Variants in ERC2 observed in about 807,000 individuals in gnomAD.
The protein encoded by ERC2 is ELKS/RAB6-interacting/CAST family member 2.
In ERC2, 42 loss-of-function variants were observed where a neutral mutation model predicts 114.8. That is an observed-to-expected ratio of 0.37 (90% CI 0.29 to 0.47). The LOEUF (loss-of-function observed/expected upper bound fraction) is 0.47, where lower values mean the gene tolerates loss of function less well. ERC2 is among the 20% of genes least tolerant of loss of function. The probability of loss-of-function intolerance (pLI) is 0.99; values close to 1 mark genes in which losing one functional copy is unlikely to be tolerated. For missense variants in ERC2, 939 were observed against 1,150.7 expected, an observed-to-expected ratio of 0.82 and a Z score of 2.66; for synonymous variants, 454 against 425.5, an observed-to-expected ratio of 1.07 and a Z score of -0.82.
chr3:55,832,764 CTT>C lies in ERC2; in HGVS notation c.2564+55623_2564+55624del, dbSNP rs1279139221. Among the ~76,000 whole-genome samples, 6 of 152,342 alleles carry C rather than the reference CTT, an allele frequency of 3.9e-5. No homozygotes were observed. The South Asian group carries it at 1.2e-3, about 32-fold the overall frequency. The stretch of plus-strand genomic sequence containing the variant: ...CGGAACAAAGCTGGACGGAGAATAA[CTT>C]TGACGAGTTGAGAGAAGAAGGCCTC... On this transcript the variant is annotated intron_variant, in intron 14 of 17. Transcript: ENST00000288221.
chr3:55,960,516 G>A (rs2068286973), intron 12 of ERC2, among the ~76,000 whole-genome samples: 1 of 152,118 alleles, frequency 6.6e-6, no homozygotes, highest in Non-Finnish European at 1.5e-5. Flanking sequence ...TCCTATCACT[G>A]AGAATCTCTG....
rs2057715675 is a variant in ERC2 at position 56,333,395 on chromosome 3, G to A, written c.658-36960C>T. Among the ~76,000 whole-genome samples, 3 of 152,218 alleles carry A rather than the reference G, an allele frequency of 2.0e-5. No homozygotes were observed. In the East Asian group the frequency reaches 5.8e-4, roughly 29 times the overall value. On this transcript the variant is annotated intron_variant, in intron 2 of 17. Coordinates refer to ENST00000288221, the MANE Select transcript of ERC2 (RefSeq NM_015576.3). ...CAAACAACTTCAATGTGCTATAAGA[G>A]AAGAATGGCTAACTTTGTGGACTAT...
chr3:55,780,580 T>C (rs550434648), intron 14 of ERC2, among the ~76,000 whole-genome samples: 1 of 152,322 alleles, frequency 6.6e-6, no homozygotes, highest in South Asian at 2.1e-4. Flanking sequence ...ACAAATAACA[T>C]ATTTTTTAAA....
rs1015529424 is a variant in ERC2, at chr3:55,582,320, C to A, written c.*40-71044G>T. 3.9e-5 allele frequency among the ~76,000 whole-genome samples: 6 copies of A among 152,192 alleles called. No homozygotes were observed. In the East Asian group the frequency reaches 1.2e-3, roughly 29 times the overall value. ...CCCTGCTCCAAGTAGGTACTCAATACAATAGGTATTTATAGTTGGATAGAT... is the reference window on the plus strand; with the variant it reads ...CCCTGCTCCAAGTAGGTACTCAATAAAATAGGTATTTATAGTTGGATAGAT... On this transcript the variant is annotated intron_variant, in intron 17 of 17. Coordinates refer to ENST00000288221, the MANE Select transcript of ERC2 (RefSeq NM_015576.3).
intron 10 of ERC2, among the ~76,000 whole-genome samples, chr3:55,992,483 T>G (rs140646086): frequency 1.6e-3 from 245 of 152,320 alleles, no homozygotes; most frequent in African/African-American, 5.2e-3. Flanking sequence ...CAATTATTGA[T>G]ATTTTGTTCC....
chr3:56,001,071 A>G lies in ERC2; in HGVS notation c.2061+6110T>C, dbSNP rs569147487. On this transcript the variant is annotated intron_variant, in intron 10 of 17. Coordinates refer to ENST00000288221, the MANE Select transcript of ERC2 (RefSeq NM_015576.3). Reference sequence around the variant, plus strand: ...AACCCAAATAAACACTTTGAAGTAGAGTGTTAGATAAGAAAAAGAAAAAGT... The same window carrying G: ...AACCCAAATAAACACTTTGAAGTAGGGTGTTAGATAAGAAAAAGAAAAAGT... Among the ~76,000 whole-genome samples, 3 of 152,036 alleles carry G rather than the reference A, an allele frequency of 2.0e-5. No homozygotes were observed. In the East Asian group the frequency reaches 5.8e-4, roughly 29 times the overall value.
chr3:55,768,197 T>C (rs1403251117), intron 14 of ERC2, among the ~76,000 whole-genome samples: 1 of 152,240 alleles, frequency 6.6e-6, no homozygotes, highest in Non-Finnish European at 1.5e-5. Flanking sequence ...CTGTATAAAT[T>C]ACCTAGTTTT....
chr3:56,057,658 A>G (rs1235350204), intron 7 of ERC2, among the ~76,000 whole-genome samples: 1 of 152,236 alleles, frequency 6.6e-6, no homozygotes, highest in Non-Finnish European at 1.5e-5. Context: ...AGATTAAGAT[A>G]ATCATTCATT....
chr3:55,989,713 A>G (rs1318912037), intron 11 of ERC2, among the ~76,000 whole-genome samples: 4 of 152,210 alleles, frequency 2.6e-5, no homozygotes, highest in Non-Finnish European at 4.4e-5. Context: ...ATAGTTTCTC[A>G]TCTGTAAAAT....
chr3:56,261,973 T>A (rs1217595885), intron 3 of ERC2, among the ~76,000 whole-genome samples: 1 of 152,238 alleles, frequency 6.6e-6, no homozygotes, highest in Non-Finnish European at 1.5e-5. Flanking sequence ...AATTTGGTTT[T>A]CTGTTCCTGT....
intron 2 of ERC2, among the ~76,000 whole-genome samples, chr3:56,381,560 T>C (rs1308521593): frequency 1.3e-5 from 2 of 151,992 alleles, no homozygotes; most frequent in East Asian, 3.9e-4. Context: ...AAAAAAAATA[T>C]GTTAGCCAGT....
chr3:56,290,754 G>A (rs1259691598), intron 3 of ERC2, among the ~76,000 whole-genome samples: 1 of 152,190 alleles, frequency 6.6e-6, no homozygotes, highest in Non-Finnish European at 1.5e-5. Flanking sequence ...TTTTGCCTTG[G>A]TGGATCTCCC....
At chr3:55,756,547 T>TA (rs916171065) in intron 14 of ERC2, among the ~76,000 whole-genome samples, 3 of 152,164 alleles carry the variant, frequency 2.0e-5, no homozygotes, top group African/African-American at 7.2e-5. Flanking sequence ...ATTTCAAAAT[T>TA]AAAAATCTCA....
In ERC2 at chr3:56,012,401, G is replaced by A. The variant is rs539867524; in HGVS notation, c.1780-1812C>T. Among the ~76,000 whole-genome samples, 13 of 152,182 alleles carry A rather than the reference G, an allele frequency of 8.5e-5. No individual in the cohort carries two copies. In the South Asian group the frequency reaches 1.7e-3, roughly 19 times the overall value. On this transcript the variant is annotated intron_variant, in intron 8 of 17. Transcript: ENST00000288221. ...CTTATTCCCACTCGGCAGCCTTCAC[G>A]TGGTTTCACTGCATGATCATCCTCC...
chr3:55,517,428 C>G (rs1336942759), intron 17 of ERC2, among the ~76,000 whole-genome samples: 1 of 113,526 alleles, frequency 8.8e-6, no homozygotes, highest in Non-Finnish European at 1.6e-5. Flanking sequence ...GCCTGGGTGA[C>G]GGAGTAAGAC....
intron 3 of ERC2, among the ~76,000 whole-genome samples, chr3:56,207,038 T>C (rs2048776021): frequency 6.6e-6 from 1 of 152,130 alleles, no homozygotes; most frequent in Admixed American, 6.6e-5. Flanking sequence ...AGGAGAGAGG[T>C]AAAGCATTTA....
chr3:56,069,299 T>A lies in ERC2; in HGVS notation c.1641+11518A>T, dbSNP rs532391333. Among the ~76,000 whole-genome samples the A allele has an allele frequency of 5.9e-5, 9 of 152,318 alleles. No homozygotes were observed. The South Asian group carries it at 1.9e-3, about 32-fold the overall frequency. On this transcript the variant is annotated intron_variant, in intron 7 of 17. Transcript: ENST00000288221. ...TGAACTCTACTACTGTTTACTTGCCTCTGAATTTCCATGAGAGGTTTGGGA... is the reference window on the plus strand; with the variant it reads ...TGAACTCTACTACTGTTTACTTGCCACTGAATTTCCATGAGAGGTTTGGGA...
At chr3:55,706,986 A>C (rs815426) in intron 15 of ERC2, among the ~76,000 whole-genome samples, 5 of 152,012 alleles carry the variant, frequency 3.3e-5, no homozygotes, top group African/African-American at 1.2e-4. Context: ...CCTATATCTA[A>C]AAAATGGGCA....
At chr3:56,315,454 T>C (rs1415813077) in intron 2 of ERC2, among the ~76,000 whole-genome samples, 1 of 152,224 alleles carries the variant, frequency 6.6e-6, no homozygotes, top group Non-Finnish European at 1.5e-5. Flanking sequence ...GATCTCTTGA[T>C]ACCAATCTTG....
Sources: allele counts gnomAD v4.1 joint callset (sites outside exome capture counted in the v4.1 genomes callset), GRCh38; gene constraint gnomAD v4.1.1; transcripts MANE v1.5; gene names NCBI Gene and HGNC (gene_info 2026-07-23, HGNC 2026-07-21).